GNB5: variants seen among roughly 807,000 people sequenced by gnomAD.
The protein encoded by GNB5 is guanine nucleotide-binding protein subunit beta-5.
In GNB5, 37 loss-of-function variants were observed where a neutral mutation model predicts 55.3. The observed-to-expected ratio is 0.67, with a 90% CI of 0.51 to 0.88. The LOEUF (loss-of-function observed/expected upper bound fraction) is 0.88, where lower values mean the gene tolerates loss of function less well. Among genes scored for constraint, GNB5 ranks in the 40% least tolerant of loss-of-function variants. The pLI is 0.00. For missense variants in GNB5, 476 were observed against 515.3 expected, an observed-to-expected ratio of 0.92 and a Z score of 0.74; for synonymous variants, 219 against 198.5, an observed-to-expected ratio of 1.10 and a Z score of -0.87.
At chr15:52,157,397 CA>C (rs1415266005) in intron 3 of GNB5, among the ~76,000 whole-genome samples, 4 of 152,100 alleles carry the variant, frequency 2.6e-5, no homozygotes, top group Admixed American at 1.3e-4. Flanking sequence ...CAGGCATGTA[CA>C]ACCATGCCCA....
intron 3 of GNB5, among the ~76,000 whole-genome samples, chr15:52,162,176 C>T (rs2034350067): frequency 6.6e-6 from 1 of 152,196 alleles, no homozygotes; most frequent in African/African-American, 2.4e-5. Flanking sequence ...GAATGCATAT[C>T]TCCTCGGAGC....
chr15:52,147,553 G>T lies in GNB5; in HGVS notation c.418-18C>A. On this transcript the variant is annotated intron_variant, in intron 5 of 12. Coordinates refer to ENST00000261837, the MANE Select transcript of GNB5 (RefSeq NM_016194.4). The stretch of plus-strand genomic sequence containing the variant: ...GCGTGCTCCTGAAACACAGCACAGA[G>T]TGAACAACTAGCACTTCCACACAAA... The T allele has an allele frequency of 1.4e-6, 2 of 1,398,338 alleles. No homozygotes were observed. The highest frequency in any genetic ancestry group is 1.5e-5 in the African/African-American group (1 of 67,890). The allele number at this position is 1,398,338 out of a possible 1,614,324, so 86.6% of individuals were successfully genotyped here.
intron 7 of GNB5, chr15:52,136,916 A>C (rs113025993): frequency 0.02 from 8,828 of 440,346 alleles, 131 homozygotes; most frequent in Non-Finnish European, 0.029. Flanking sequence ...AAATAACTTA[A>C]CTGCTTGCTG....
chr15:52,181,852 A>T (rs536837657), intron 2 of GNB5, among the ~76,000 whole-genome samples: 1 of 152,102 alleles, frequency 6.6e-6, no homozygotes, highest in African/African-American at 2.4e-5. Flanking sequence ...TATAAAAAAT[A>T]TATAAAATAT....
rs1245054878 is a variant in GNB5, at chr15:52,137,406, G to C, written c.628-1650C>G. The C allele has an allele frequency of 3.9e-6, 4 of 1,029,606 alleles. No individual in the cohort carries two copies. In the African/African-American group the frequency reaches 5.1e-5, roughly 13 times the overall value. 63.8% of individuals were successfully genotyped at this position (1,029,606 alleles called of 1,614,324 possible). On this transcript the variant is annotated intron_variant, in intron 7 of 12. Coordinates refer to ENST00000261837, the MANE Select transcript of GNB5 (RefSeq NM_016194.4). Reference sequence around the variant, plus strand: ...AGGGAAGGGGAGAGACAAACTCCAGGGGGGCCTATGTCTGCACTAAATGAA... The same window carrying C: ...AGGGAAGGGGAGAGACAAACTCCAGCGGGGCCTATGTCTGCACTAAATGAA...
At position 52,135,632 on chromosome 15, in the gene GNB5, C is replaced by T; in HGVS notation, c.752G>A (p.Gly251Glu). The change falls in exon 8 of 13, where the codon GGA (glycine) becomes GAA (glutamate). Residue 251 changes from glycine to glutamate, a missense_variant. Physicochemically the swap from Gly to Glu is moderately conservative, Grantham distance 98 (BLOSUM62 -2). Coordinates refer to ENST00000261837, the MANE Select transcript of GNB5 (RefSeq NM_016194.4). ...LCLDLAPSET[G>E]NTFVSGGCDK... ...CTTTACCCCAGACACGAAGGTGTTT[C>T]CAGTTTCTGAGGGGGCCAGGTCCAA... 1 of 1,613,812 alleles carries T rather than the reference C, an allele frequency of 6.2e-7. No individual in the cohort carries two copies. Among genetic ancestry groups the T allele is most frequent in the East Asian group, 2.2e-5 (1 of 44,846 alleles).
intron 9 of GNB5, among the ~76,000 whole-genome samples, chr15:52,132,176 A>G (rs2033594642): frequency 6.6e-6 from 1 of 152,210 alleles, no homozygotes; most frequent in African/African-American, 2.4e-5. Flanking sequence ...GTATGCACAA[A>G]CAGGCTGATA....
At chr15:52,159,687 G>A (rs10220890) in intron 3 of GNB5, among the ~76,000 whole-genome samples, 22,026 of 152,162 alleles carry the variant, frequency 0.14, 1,708 homozygotes, top group South Asian at 0.23. Flanking sequence ...AGCTGTGCCA[G>A]ATGCTTGGGT....
At chr15:52,146,933 G>A (rs1345477449) in intron 6 of GNB5, among the ~76,000 whole-genome samples, 3 of 151,888 alleles carry the variant, frequency 2.0e-5, no homozygotes, top group African/African-American at 4.8e-5. Flanking sequence ...TGTCCATATG[G>A]CTTTTCTATG....
At chr15:52,127,529 G>A (rs2033460423) in intron 10 of GNB5, among the ~76,000 whole-genome samples, 1 of 151,690 alleles carries the variant, frequency 6.6e-6, no homozygotes, top group Admixed American at 6.6e-5. Flanking sequence ...TATATATTTT[G>A]TTATGTATCT....
At chr15:52,162,916 G>A (rs2034365170) in intron 3 of GNB5, 1 of 152,238 alleles carries the variant, frequency 6.6e-6, no homozygotes, top group African/African-American at 2.4e-5. Flanking sequence ...GTTAGAAGCA[G>A]CTGCAATCCG....
At chr15:52,177,694 C>G (rs1220259039) in intron 3 of GNB5, among the ~76,000 whole-genome samples, 1 of 151,032 alleles carries the variant, frequency 6.6e-6, no homozygotes, top group Non-Finnish European at 1.5e-5. Context: ...AATGAGAGAA[C>G]CTGGCTGGGA....
chr15:52,182,333 G>A (rs998307108), intron 2 of GNB5, among the ~76,000 whole-genome samples: 3 of 152,148 alleles, frequency 2.0e-5, no homozygotes, highest in Non-Finnish European at 4.4e-5. Flanking sequence ...CACCTCCTTA[G>A]GCTGGCTCTG....
At chr15:52,182,674 G>A (rs1566951579) in intron 2 of GNB5, among the ~76,000 whole-genome samples, 1 of 152,220 alleles carries the variant, frequency 6.6e-6, no homozygotes, top group Non-Finnish European at 1.5e-5. Flanking sequence ...TGGGGACTGT[G>A]TCTACATAAT....
intron 10 of GNB5, among the ~76,000 whole-genome samples, chr15:52,126,524 C>T (rs555802468): frequency 1.2e-3 from 181 of 152,228 alleles, no homozygotes; most frequent in African/African-American, 4.2e-3. Flanking sequence ...TTAGGTTATA[C>T]GTCCTTTCTC....
At chr15:52,170,803 T>C (rs957795130) in intron 3 of GNB5, among the ~76,000 whole-genome samples, 2 of 151,984 alleles carry the variant, frequency 1.3e-5, no homozygotes, top group Admixed American at 1.3e-4. Context: ...GATTTGTGAA[T>C]TGCCTTAAAA....
At chr15:52,138,468 G>A (rs1355588643) in intron 7 of GNB5, 1 of 152,230 alleles carries the variant, frequency 6.6e-6, no homozygotes, top group Non-Finnish European at 1.5e-5. Context: ...CTCCCGCCCT[G>A]GTGTTGCACC....
rs969266503 is a variant in GNB5 at position 52,120,327 on chromosome 15, T to C, written c.*2430A>G. The C allele has an allele frequency of 6.6e-6, 1 of 152,270 alleles. No homozygotes were observed. The highest frequency in any genetic ancestry group is 1.5e-5 in the Non-Finnish European group (1 of 68,060). The allele number at this position is 152,270 out of a possible 1,614,324, so 9.4% of individuals were successfully genotyped here. ...CCCTGAGTCTCCACATGCTGTCACA[T>C]AGTCCAAATCAAGTATCTCATCAGC... On this transcript the variant is annotated 3_prime_UTR_variant, in exon 13 of 13. Transcript: ENST00000261837.
Position 52,116,349 on chromosome 15 carries a change from C to T in GNB5, c.*6408G>A, listed in dbSNP as rs151019848. 5 of 152,328 alleles carry T rather than the reference C, an allele frequency of 3.3e-5. No homozygotes were observed. The highest frequency in any genetic ancestry group is 3.3e-4 in the Admixed American group (5 of 15,292). The allele number at this position is 152,328 out of a possible 1,614,324, so 9.4% of individuals were successfully genotyped here. A position where few individuals can be genotyped will look rare whatever the true frequency, so the allele number is the denominator to read the frequency against. ...TACATAAACGCTCATACCATACTTA[C>T]GATTAGTTGTTTATGTGGGTTAAAT... On this transcript the variant is annotated 3_prime_UTR_variant, in exon 13 of 13. Coordinates refer to ENST00000261837, the MANE Select transcript of GNB5 (RefSeq NM_016194.4).
Sources: allele counts gnomAD v4.1 joint callset (sites outside exome capture counted in the v4.1 genomes callset), GRCh38; gene constraint gnomAD v4.1.1; transcripts MANE v1.5; gene names NCBI Gene and HGNC (gene_info 2026-07-23, HGNC 2026-07-21).